Variants in KIAA2013 observed in about 807,000 individuals in gnomAD.
The protein encoded by KIAA2013 is uncharacterized protein KIAA2013.
In KIAA2013, 20 loss-of-function variants were observed where a neutral mutation model predicts 39.9. The ratio of observed to expected loss-of-function variants is 0.50; its 90% CI spans 0.35 to 0.73. The LOEUF (loss-of-function observed/expected upper bound fraction) is 0.73, where lower values mean the gene tolerates loss of function less well. Among genes scored for constraint, KIAA2013 ranks in the 30% least tolerant of loss-of-function variants. The pLI, the probability that KIAA2013 is intolerant of heterozygous loss-of-function variation, is 0.01. For missense variants in KIAA2013, 587 were observed against 856.1 expected, an observed-to-expected ratio of 0.69 and a Z score of 3.92; for synonymous variants, 336 against 416.6, an observed-to-expected ratio of 0.81 and a Z score of 2.35.
At chr1:11,921,465 C>CCCGCCAGCA (rs1316044858) in intron 2 of KIAA2013, among the ~76,000 whole-genome samples, 1 of 152,154 alleles carries the variant, frequency 6.6e-6, no homozygotes, top group Non-Finnish European at 1.5e-5. Context: ...AGCTGGGGAT[C>CCCGCCAGCA]CCGCCAGCAG....
rs1458201558 is a variant in KIAA2013, at chr1:11,925,904, C to T, written c.334G>A (p.Gly112Arg). The T allele has an allele frequency of 6.5e-7, 1 of 1,527,792 alleles. No individual in the cohort carries two copies. Among genetic ancestry groups the T allele is most frequent in the South Asian group, 1.2e-5 (1 of 83,284 alleles). 94.6% of individuals were successfully genotyped at this position (1,527,792 alleles called of 1,614,324 possible). ...GGCGCCACGGCGGGCTCCCGCTCCCCGGGAGTCACCCACAGCCGATTGGCA... is the reference window on the plus strand; with the variant it reads ...GGCGCCACGGCGGGCTCCCGCTCCCTGGGAGTCACCCACAGCCGATTGGCA... ...VAANRLWVTP[G>R]EREPAVAPDF... is the part of the protein sequence containing the mutation. The change falls in exon 1 of 3, where the codon GGG becomes AGG. Residue 112 changes from glycine to arginine, a missense_variant. Coordinates refer to ENST00000376572, the MANE Select transcript of KIAA2013 (RefSeq NM_138346.3). The surrounding 1 kb of genome is among the most constrained non-coding windows in gnomAD (Gnocchi z 5.2).
In KIAA2013 at chr1:11,923,098, G is replaced by C. The variant is rs80243575; in HGVS notation, c.1425C>G (p.Asp475Glu). Residue 475 changes from aspartate to glutamate, a missense_variant, in exon 2 of 3, where the codon GAC becomes GAG. Transcript: ENST00000376572. This position sits in a 1 kb window ranked among gnomAD's most constrained non-coding sequence, Gnocchi z 4.6. Reference protein sequence around the residue: ...ENHLQFQADPDVLHNSYALHG... With the variant: ...ENHLQFQADPEVLHNSYALHG... ...GCAATGCATAGCTGTTGTGCAGCAC[G>C]TCGGGGTCGGCCTGGAACTGGAGGT... 15 of 1,610,174 alleles carry C rather than the reference G, an allele frequency of 9.3e-6. No homozygotes were observed. The highest frequency in any genetic ancestry group is 1.6e-4 in the Middle Eastern group (1 of 6,072).
rs567771440 is a variant in KIAA2013 at position 11,923,947 on chromosome 1, T to C, written c.1034-458A>G. 2.5e-3 allele frequency among the ~76,000 whole-genome samples: 380 copies of C among 152,276 alleles called. 5 individuals carry two copies. The highest frequency in any genetic ancestry group is 3.5e-3 in the South Asian group (17 of 4,824). On this transcript the variant is annotated intron_variant, in intron 1 of 2. Transcript: ENST00000376572. The surrounding 1 kb of genome is among the most constrained non-coding windows in gnomAD (Gnocchi z 4.6). ...TTGAGTGCAGTGGAACGATCTCAGG[T>C]TACTACAGCCTCCGCCTCCCGGGTT...
At position 11,925,911 on chromosome 1, in the gene KIAA2013, C is replaced by T. The variant is rs1235562578; in HGVS notation, c.327G>A (p.Val109=). The T allele has an allele frequency of 5.9e-6, 9 of 1,528,280 alleles. No homozygotes were observed. The highest frequency in any genetic ancestry group is 7.9e-6 in the Non-Finnish European group (9 of 1,144,764). 94.7% of individuals were successfully genotyped at this position (1,528,280 alleles called of 1,614,324 possible). ...CGGCGGGCTCCCGCTCCCCGGGAGTCACCCACAGCCGATTGGCAGCCACGT... is the reference window on the plus strand; with the variant it reads ...CGGCGGGCTCCCGCTCCCCGGGAGTTACCCACAGCCGATTGGCAGCCACGT... ...ALDVAANRLW[V]TPGEREPAVA... is the part of the protein sequence containing the mutation. Residue 109 remains valine, a synonymous_variant, in exon 1 of 3, where the codon GTG becomes GTA. Transcript: ENST00000376572. This position sits in a 1 kb window ranked among gnomAD's most constrained non-coding sequence, Gnocchi z 5.2.
rs1266920192 is a variant in KIAA2013, at chr1:11,925,563, G to T, written c.675C>A (p.Ala225=). 1.8e-5 allele frequency: 29 copies of T among 1,607,664 alleles called. No homozygotes were observed. Among genetic ancestry groups the T allele is most frequent in the Non-Finnish European group, 2.5e-5 (29 of 1,178,586 alleles). Residue 225 remains alanine, a synonymous_variant, in exon 1 of 3, where the codon GCC becomes GCA. Transcript: ENST00000376572. This position sits in a 1 kb window ranked among gnomAD's most constrained non-coding sequence, Gnocchi z 5.2. The stretch of plus-strand genomic sequence containing the variant: ...TGGTGAAGGCCTTGGGGGCTGGGCC[G>T]GCAGTGGGCCCCACAGTCTGCAGCG... ...VAALQTVGPT[A]GPAPKAFTST... is the part of the protein sequence containing the mutation.
chr1:11,924,123 C>G (rs1436773277), intron 1 of KIAA2013, among the ~76,000 whole-genome samples: 1 of 151,866 alleles, frequency 6.6e-6, no homozygotes, highest in Non-Finnish European at 1.5e-5. Flanking sequence ...ATTCAACAGC[C>G]CTAAGATTTA....
Position 11,923,113 on chromosome 1 carries a change from G to T in KIAA2013, c.1410C>A (p.Phe470Leu). ...GLQFTENHLQ[F>L]QADPDVLHNS... ...TGTGCAGCACGTCGGGGTCGGCCTG[G>T]AACTGGAGGTGGTTCTCTGTGAACT... The change falls in exon 2 of 3, where the codon TTC becomes TTA. Residue 470 changes from phenylalanine to leucine, a missense_variant. Coordinates refer to ENST00000376572, the MANE Select transcript of KIAA2013 (RefSeq NM_138346.3). The surrounding 1 kb of genome is among the most constrained non-coding windows in gnomAD (Gnocchi z 4.6). The T allele has an allele frequency of 6.2e-7, 1 of 1,609,962 alleles. No individual in the cohort carries two copies.
chr1:11,923,582 T>A lies in KIAA2013; in HGVS notation c.1034-93A>T. 5 of 1,300,216 alleles carry A rather than the reference T, an allele frequency of 3.8e-6. No individual in the cohort carries two copies. The highest frequency in any genetic ancestry group is 5.4e-6 in the Non-Finnish European group (5 of 930,900). The allele number at this position is 1,300,216 out of a possible 1,614,324, so 80.5% of individuals were successfully genotyped here. Reference sequence around the variant, plus strand: ...GACCAAGGGCAGCAGAAGAGTGAGGTGTTGTGCCTTAATGATAAAGACAGT... The same window carrying A: ...GACCAAGGGCAGCAGAAGAGTGAGGAGTTGTGCCTTAATGATAAAGACAGT... On this transcript the variant is annotated intron_variant, in intron 1 of 2. Coordinates refer to ENST00000376572, the MANE Select transcript of KIAA2013 (RefSeq NM_138346.3). The surrounding 1 kb of genome is among the most constrained non-coding windows in gnomAD (Gnocchi z 4.6).
At chr1:11,920,618 C>G (rs1645468377) in intron 2 of KIAA2013, among the ~76,000 whole-genome samples, 1 of 152,154 alleles carries the variant, frequency 6.6e-6, no homozygotes, top group Non-Finnish European at 1.5e-5. Context: ...AAGGTGCACT[C>G]AAGAGCGAGG....
chr1:11,923,013 T>C lies in KIAA2013; in HGVS notation c.1510A>G (p.Lys504Glu), dbSNP rs1296650920. 2 of 1,611,506 alleles carry C rather than the reference T, an allele frequency of 1.2e-6. No homozygotes were observed. The highest frequency in any genetic ancestry group is 4.5e-5 in the East Asian group (2 of 44,784). ...TCCACGGACACGTGTAGGTAGGGCTTGCCCTCGGCATCCGCCAGCACGGCC... is the reference window on the plus strand; with the variant it reads ...TCCACGGACACGTGTAGGTAGGGCTCGCCCTCGGCATCCGCCAGCACGGCC... Reference protein sequence around the residue: ...NLAVLADAEGKPYLHVSVESR... With the variant: ...NLAVLADAEGEPYLHVSVESR... The change falls in exon 2 of 3, where the codon AAG becomes GAG. Residue 504 changes from lysine to glutamate, a missense_variant. Lys to Glu is a moderately conservative substitution (Grantham distance 56, BLOSUM62 1). Transcript: ENST00000376572. The surrounding 1 kb of genome is among the most constrained non-coding windows in gnomAD (Gnocchi z 4.6).
intron 1 of KIAA2013, among the ~76,000 whole-genome samples, chr1:11,924,142 C>T (rs1355903831): frequency 6.6e-6 from 1 of 151,960 alleles, no homozygotes; most frequent in Non-Finnish European, 1.5e-5. Context: ...TAAAAACATA[C>T]ACACACACAA....
rs1284832079 is a variant in KIAA2013 at position 11,923,238 on chromosome 1, G to A, written c.1285C>T (p.Leu429=). The A allele has an allele frequency of 2.5e-6, 4 of 1,613,760 alleles. No individual in the cohort carries two copies. Among genetic ancestry groups the A allele is most frequent in the Non-Finnish European group, 3.4e-6 (4 of 1,179,864 alleles). Residue 429 remains leucine, a synonymous_variant, in exon 2 of 3, where the codon CTG becomes TTG. Coordinates refer to ENST00000376572, the MANE Select transcript of KIAA2013 (RefSeq NM_138346.3). The surrounding 1 kb of genome is among the most constrained non-coding windows in gnomAD (Gnocchi z 4.6). The part of the protein sequence containing the change: ...SVQQILQLSD[L]WRLTLQKRGC... ...CGCTTCTGGAGGGTCAGCCTCCACA[G>A]GTCAGAGAGCTGCAGGATCTGCTGG...
In KIAA2013 at chr1:11,923,266, G is replaced by A. The variant is rs781754837; in HGVS notation, c.1257C>T (p.Ser419=). The A allele has an allele frequency of 2.3e-5, 37 of 1,613,310 alleles. No homozygotes were observed. The highest frequency in any genetic ancestry group is 2.0e-4 in the East Asian group (9 of 44,862). The change falls in exon 2 of 3, where the codon TCC becomes TCT. Residue 419 remains serine, a synonymous_variant. Coordinates refer to ENST00000376572, the MANE Select transcript of KIAA2013 (RefSeq NM_138346.3). The surrounding 1 kb of genome is among the most constrained non-coding windows in gnomAD (Gnocchi z 4.6). ...AENLWPGRLS[S]VQQILQLSDL... is the part of the protein sequence containing the mutation. ...CAGAGAGCTGCAGGATCTGCTGGAC[G>A]GAGGACAGCCGCCCCGGCCACAGGT...
chr1:11,921,042 G>C (rs1170673750), intron 2 of KIAA2013, among the ~76,000 whole-genome samples: 1 of 151,590 alleles, frequency 6.6e-6, no homozygotes, highest in Non-Finnish European at 1.5e-5. Context: ...GAGAAAAGAA[G>C]AGAAGGGAGG....
At position 11,925,825 on chromosome 1, in the gene KIAA2013, C is replaced by G. The variant is rs756717600; in HGVS notation, c.413G>C (p.Gly138Ala). 13 of 1,535,766 alleles carry G rather than the reference C, an allele frequency of 8.5e-6. No homozygotes were observed. The South Asian group carries it at 1.4e-4, about 17-fold the overall frequency. Reference protein sequence around the residue: ...LRPLSALAEAGEAVLLLREGL... With the variant: ...LRPLSALAEAAEAVLLLREGL... The stretch of plus-strand genomic sequence containing the variant: ...CTCCCGCAGCAGCAGCACCGCCTCT[C>G]CAGCTTCAGCCAGCGCGCTCAGCGG... Residue 138 changes from glycine (G) to alanine (A), a missense_variant, in exon 1 of 3, where the codon GGA becomes GCA. Coordinates refer to ENST00000376572, the MANE Select transcript of KIAA2013 (RefSeq NM_138346.3). The surrounding 1 kb of genome is among the most constrained non-coding windows in gnomAD (Gnocchi z 5.2).
intron 2 of KIAA2013, chr1:11,922,281 C>T: frequency 8.2e-7 from 1 of 1,218,282 alleles, no homozygotes; most frequent in Middle Eastern, 2.9e-4. Flanking sequence ...CCTCAAACTC[C>T]TGGGCTCAAG....
At position 11,925,996 on chromosome 1, in the gene KIAA2013, T is replaced by C; in HGVS notation, c.242A>G (p.Glu81Gly). Residue 81 changes from glutamate (E) to glycine (G), a missense_variant, in exon 1 of 3, where the codon GAG becomes GGG. Coordinates refer to ENST00000376572, the MANE Select transcript of KIAA2013 (RefSeq NM_138346.3). This position sits in a 1 kb window ranked among gnomAD's most constrained non-coding sequence, Gnocchi z 5.2. ...CACTCCAGGACCCAGCGGTACCACCTCACCGCGCTCCCGCAGGCCGCGCCA... is the reference window on the plus strand; with the variant it reads ...CACTCCAGGACCCAGCGGTACCACCCCACCGCGCTCCCGCAGGCCGCGCCA... ...RAWRGLRERG[E>G]VVPLGPGVPA... The C allele has an allele frequency of 6.6e-7, 1 of 1,516,120 alleles. No homozygotes were observed. The allele number at this position is 1,516,120 out of a possible 1,614,324, so 93.9% of individuals were successfully genotyped here.
rs190773596 is a variant in KIAA2013 at position 11,922,363 on chromosome 1, T to C, written c.1887+273A>G. 1.4e-5 allele frequency: 20 copies of C among 1,427,606 alleles called. No homozygotes were observed. In the African/African-American group the frequency reaches 2.6e-4, roughly 18 times the overall value. 88.4% of individuals were successfully genotyped at this position (1,427,606 alleles called of 1,614,324 possible). A position where few individuals can be genotyped will look rare whatever the true frequency, so the allele number is the denominator to read the frequency against. ...AGCCACCACACCCAGCTTGCAGTTATTTTTAAATGCTGAGATTTATGATGC... is the reference window on the plus strand; with the variant it reads ...AGCCACCACACCCAGCTTGCAGTTACTTTTAAATGCTGAGATTTATGATGC... On this transcript the variant is annotated intron_variant, in intron 2 of 2. Coordinates refer to ENST00000376572, the MANE Select transcript of KIAA2013 (RefSeq NM_138346.3).
At chr1:11,924,716 T>C (rs922812810) in intron 1 of KIAA2013, among the ~76,000 whole-genome samples, 2 of 152,128 alleles carry the variant, frequency 1.3e-5, no homozygotes, top group African/African-American at 4.8e-5. Context: ...CATCTCAACC[T>C]GCTAAAAGGG....
Sources: allele counts gnomAD v4.1 joint callset (sites outside exome capture counted in the v4.1 genomes callset), GRCh38; gene constraint gnomAD v4.1.1; non-coding constraint Gnocchi (gnomAD v3.1); transcripts MANE v1.5; gene names NCBI Gene and HGNC (gene_info 2026-07-23, HGNC 2026-07-21).